Variants in EZH1 observed in about 807,000 individuals in gnomAD.
The protein encoded by EZH1 is enhancer of zeste 1 polycomb repressive complex 2 subunit.
In EZH1, 33 loss-of-function variants were observed where a neutral mutation model predicts 100.5. That is an observed-to-expected ratio of 0.33 (90% CI 0.25 to 0.44). The LOEUF (loss-of-function observed/expected upper bound fraction) is 0.44, where lower values mean the gene tolerates loss of function less well. Among genes scored for constraint, EZH1 ranks in the 20% least tolerant of loss-of-function variants. The probability of loss-of-function intolerance (pLI) is 1.00; values close to 1 mark genes in which losing one functional copy is unlikely to be tolerated. For synonymous variants in EZH1, 272 were observed against 313.8 expected, an observed-to-expected ratio of 0.87 and a Z score of 1.41; for missense variants, 475 against 928.4, an observed-to-expected ratio of 0.51 and a Z score of 6.35.
At position 42,709,937 on chromosome 17, in the gene EZH1, C is replaced by T. The variant is rs757460665; in HGVS notation, c.1402G>A (p.Val468Ile). The T allele has an allele frequency of 2.5e-6, 4 of 1,614,044 alleles. No individual in the cohort carries two copies. Among genetic ancestry groups the T allele is most frequent in the Non-Finnish European group, 3.4e-6 (4 of 1,179,966 alleles). The change falls in exon 13 of 21, where the codon GTC (valine) becomes ATC (isoleucine). Residue 468 changes from valine to isoleucine, a missense_variant and splice_region_variant. Val to Ile is a conservative substitution (Grantham distance 29). Around this residue, in one of 8 missense-constraint regions of EZH1, gnomAD observed 83 missense variants for 142.1 expected, o/e 0.58. Coordinates refer to ENST00000428826, the MANE Select transcript of EZH1 (RefSeq NM_001991.5). ...GATTCTTTGACTGCAAACTGAAAGA[C>T]CTGGAAGAGAAATCCAACGGGCCTG... ...RLLGTKTCKQ[V>I]FQFAVKESLI...
chr17:42,734,023 G>A lies in EZH1; in HGVS notation c.-102-3105C>T, dbSNP rs1224744589. The stretch of plus-strand genomic sequence containing the variant: ...CATTACCACACATATACCACAATAA[G>A]CTCATGATTATATCTCATGCACATG... On this transcript the variant is annotated intron_variant, in intron 1 of 20. Coordinates refer to ENST00000428826, the MANE Select transcript of EZH1 (RefSeq NM_001991.5). Among the ~76,000 whole-genome samples, 5 of 148,394 alleles carry A rather than the reference G, an allele frequency of 3.4e-5. No homozygotes were observed. The South Asian group carries it at 6.4e-4, about 19-fold the overall frequency.
intron 1 of EZH1, among the ~76,000 whole-genome samples, chr17:42,733,666 G>C (rs1019759342): frequency 6.7e-6 from 1 of 149,546 alleles, no homozygotes; most frequent in Non-Finnish European, 1.5e-5. Flanking sequence ...AAAAGGCCGG[G>C]CAGGGTGGCT....
intron 1 of EZH1, among the ~76,000 whole-genome samples, chr17:42,741,938 A>AC (rs1453529062): frequency 6.6e-6 from 1 of 151,864 alleles, no homozygotes; most frequent in Non-Finnish European, 1.5e-5. Context: ...TGATTCGCCC[A>AC]CCTCGGCCTC....
chr17:42,713,643 C>A (rs1042623357), intron 10 of EZH1, among the ~76,000 whole-genome samples: 2 of 151,674 alleles, frequency 1.3e-5, no homozygotes, highest in African/African-American at 4.9e-5. Flanking sequence ...CTCTCTCTTG[C>A]CCAGGATGGA....
At chr17:42,707,307 C>T (rs767149110) in intron 15 of EZH1, among the ~76,000 whole-genome samples, 26 of 152,022 alleles carry the variant, frequency 1.7e-4, no homozygotes, top group Non-Finnish European at 2.9e-4. Context: ...GTTGCCCAGG[C>T]TGGAGTGCAG....
chr17:42,724,662 T>G (rs1414360353), intron 4 of EZH1: 2 of 352,720 alleles, frequency 5.7e-6, no homozygotes, highest in South Asian at 5.8e-5. Flanking sequence ...GGTACACACA[T>G]GTAATCCCAG....
chr17:42,719,760 TTAAAAA>T (rs1161810179), intron 7 of EZH1, among the ~76,000 whole-genome samples: 1 of 151,852 alleles, frequency 6.6e-6, no homozygotes, highest in African/African-American at 2.4e-5. Context: ...ATAATAGATT[TTAAAAA>T]TAAAAATAAG....
intron 1 of EZH1, 104 bp downstream of exon 1, chr17:42,744,907 C>T: frequency 1.7e-6 from 2 of 1,184,310 alleles, no homozygotes; most frequent in South Asian, 1.4e-5. Context: ...CCTCGGATTC[C>T]TTCCAATTTC....
chr17:42,728,783 A>G, intron 3 of EZH1, 42 bp downstream of exon 3: 1 of 1,600,260 alleles, frequency 6.2e-7, no homozygotes, highest in Non-Finnish European at 8.5e-7. Flanking sequence ...CTGGGTCAGT[A>G]TATTGAAATA....
intron 6 of EZH1, among the ~76,000 whole-genome samples, chr17:42,721,452 A>G (rs531150237): frequency 2.0e-4 from 31 of 152,328 alleles, no homozygotes; most frequent in African/African-American, 7.5e-4. Flanking sequence ...AGAGAGCCTC[A>G]TTGCCATTCT....
At chr17:42,744,757 C>T (rs1204042153) in intron 1 of EZH1, among the ~76,000 whole-genome samples, 2 of 152,020 alleles carry the variant, frequency 1.3e-5, no homozygotes. Flanking sequence ...CCGCCCCCGC[C>T]GCTCCTCCTC....
In EZH1 at chr17:42,739,273, C is replaced by A. The variant is rs529213457; in HGVS notation, c.-103+5738G>T. Among the ~76,000 whole-genome samples, 6 of 152,296 alleles carry A rather than the reference C, an allele frequency of 3.9e-5. No individual in the cohort carries two copies. In the South Asian group the frequency reaches 1.2e-3, roughly 32 times the overall value. ...CTCAGTTAGGATCTATAAAGCACAT[C>A]TCTAATTTATACCCTCCAACTTCTC... On this transcript the variant is annotated intron_variant, in intron 1 of 20. Coordinates refer to ENST00000428826, the MANE Select transcript of EZH1 (RefSeq NM_001991.5).
At chr17:42,707,791 C>T (rs1001423620) in intron 15 of EZH1, among the ~76,000 whole-genome samples, 167 bp downstream of exon 15, 11 of 152,128 alleles carry the variant, frequency 7.2e-5, no homozygotes, top group Admixed American at 3.3e-4. Context: ...TTTCCAGAAA[C>T]GACTCTCCCA....
Position 42,727,713 on chromosome 17 carries a change from G to A in EZH1, c.168C>T (p.Leu56=), listed in dbSNP as rs1323279221. The A allele has an allele frequency of 6.2e-7, 1 of 1,607,540 alleles. No individual in the cohort carries two copies. Among genetic ancestry groups the A allele is most frequent in the Non-Finnish European group, 8.5e-7 (1 of 1,178,048 alleles). Residue 56 remains leucine (L), a synonymous_variant, in exon 4 of 21, where the codon CTC becomes CTT. Transcript: ENST00000428826. ...FAKVQEKTQI[L]NEEWKKLRVQ... is the part of the protein sequence containing the mutation. Reference sequence around the variant, plus strand: ...CACGAAGCTTCTTCCATTCTTCATTGAGGATCTGGGTTTTTTCTTGAACCT... The same window carrying A: ...CACGAAGCTTCTTCCATTCTTCATTAAGGATCTGGGTTTTTTCTTGAACCT...
At chr17:42,742,788 C>G (rs2054200140) in intron 1 of EZH1, among the ~76,000 whole-genome samples, 1 of 152,120 alleles carries the variant, frequency 6.6e-6, no homozygotes, top group African/African-American at 2.4e-5. Context: ...AAGCATAAAC[C>G]TTGACAATGA....
intron 1 of EZH1, among the ~76,000 whole-genome samples, chr17:42,731,596 T>TA (rs1344547390): frequency 6.6e-6 from 1 of 152,074 alleles, no homozygotes; most frequent in Non-Finnish European, 1.5e-5. Flanking sequence ...CACCTAACAT[T>TA]AAAAATGTTT....
chr17:42,712,622 GC>G, intron 11 of EZH1, 137 bp from the exon 12 acceptor site: 1 of 898,468 alleles, frequency 1.1e-6, no homozygotes, highest in Non-Finnish European at 1.7e-6. Flanking sequence ...CTATCTTTAG[GC>G]CAGGCATGGT....
At position 42,728,863 on chromosome 17, in the gene EZH1, G is replaced by A. The variant is rs1693554854; in HGVS notation, c.79C>T (p.Arg27Ter). ...RKVKSEYMRL[R>*]QLKRLQANMG... ...TTTGCCTGAAGCCGTTTAAGTTGTC[G>A]AAGTCGCATGTATTCAGATTTCACT... Residue 27 changes from arginine to a stop codon, truncating the protein, a stop_gained, in exon 3 of 21, where the codon CGA becomes TGA. Coordinates refer to ENST00000428826, the MANE Select transcript of EZH1 (RefSeq NM_001991.5). LOFTEE classifies it high-confidence loss of function. The A allele has an allele frequency of 3.1e-6, 5 of 1,613,404 alleles. No individual in the cohort carries two copies. Among genetic ancestry groups the A allele is most frequent in the Non-Finnish European group, 4.2e-6 (5 of 1,179,788 alleles).
intron 10 of EZH1, among the ~76,000 whole-genome samples, chr17:42,713,760 TA>T (rs1458779392): frequency 6.6e-6 from 1 of 152,206 alleles, no homozygotes; most frequent in African/African-American, 2.4e-5. Flanking sequence ...CATGCCCAGC[TA>T]ATGTCCTATA....
Sources: allele counts gnomAD v4.1 joint callset (sites outside exome capture counted in the v4.1 genomes callset), GRCh38; gene constraint gnomAD v4.1.1; regional missense constraint gnomAD v4.1.1; transcripts MANE v1.5; gene names NCBI Gene and HGNC (gene_info 2026-07-23, HGNC 2026-07-21).